PIGB: variants seen among roughly 807,000 people sequenced by gnomAD.
The protein encoded by PIGB is GPI alpha-1,2-mannosyltransferase 3.
Under a neutral mutation model 68.4 loss-of-function variants are expected in PIGB, and 58 were observed. The observed-to-expected ratio is 0.85, with a 90% CI of 0.69 to 1.06. The LOEUF (loss-of-function observed/expected upper bound fraction) is 1.06, where lower values mean the gene tolerates loss of function less well. Ranked by LOEUF, PIGB falls within the 50% of genes least tolerant of loss-of-function variation. PIGB has a pLI of 0.00. For synonymous variants in PIGB, 219 were observed against 220.5 expected (o/e 0.99, Z 0.06); for missense variants, 634 against 655.8 (o/e 0.97, Z 0.36).
At chr15:55,350,318 A>C (rs1345830664) in intron 9 of PIGB, 1 of 184,358 alleles carries the variant, frequency 5.4e-6, no homozygotes, top group Non-Finnish European at 1.1e-5. Context: ...TGGAATAATT[A>C]AAAGTCCTAT....
intron 7 of PIGB, among the ~76,000 whole-genome samples, chr15:55,339,536 A>G (rs917387346): frequency 1.2e-4 from 19 of 152,254 alleles, no homozygotes; most frequent in African/African-American, 4.6e-4. Context: ...GCAGGGAATT[A>G]TTAAGTGAGC....
At chr15:55,327,494 AT>A in intron 3 of PIGB, 36 bp from the exon 4 acceptor site, 1 of 1,359,124 alleles carries the variant, frequency 7.4e-7, no homozygotes, top group South Asian at 1.2e-5. Context: ...ACCAACAGAT[AT>A]TTTTAACATC....
In PIGB at chr15:55,349,580, A is replaced by G. The variant is rs138556270; in HGVS notation, c.1124-1119A>G. 1.6e-4 allele frequency: 24 copies of G among 152,294 alleles called. No individual in the cohort carries two copies. In the East Asian group the frequency reaches 4.0e-3, roughly 26 times the overall value. The allele number at this position is 152,294 out of a possible 1,614,324, so 9.4% of individuals were successfully genotyped here. A position where few individuals can be genotyped will look rare whatever the true frequency, so the allele number is the denominator to read the frequency against. On this transcript the variant is annotated intron_variant, in intron 9 of 11. Transcript: ENST00000164305. ...TACATTTTTCACCACACCACTTTTC[A>G]GATTATTCTTTAATCAGAACTATTT...
chr15:55,322,628 G>T (rs1350478397), intron 3 of PIGB, among the ~76,000 whole-genome samples: 1 of 152,134 alleles, frequency 6.6e-6, no homozygotes, highest in Non-Finnish European at 1.5e-5. Flanking sequence ...AAAGACACAG[G>T]TTCTAGGGTA....
chr15:55,324,012 C>T (rs546695623), intron 3 of PIGB, among the ~76,000 whole-genome samples: 8 of 152,208 alleles, frequency 5.3e-5, no homozygotes, highest in Admixed American at 1.3e-4. Context: ...CTCAGCCTCC[C>T]GAGTAGCTGG....
intron 3 of PIGB, among the ~76,000 whole-genome samples, chr15:55,327,157 T>C (rs980921447): frequency 1.3e-5 from 2 of 148,776 alleles, no homozygotes; most frequent in African/African-American, 4.9e-5. Context: ...TGTGTGTGTA[T>C]ATATGTCATA....
At chr15:55,345,872 T>C (rs930550249) in intron 9 of PIGB, among the ~76,000 whole-genome samples, 3 of 152,222 alleles carry the variant, frequency 2.0e-5, no homozygotes, top group Admixed American at 6.5e-5. Flanking sequence ...CATTCCAGAA[T>C]TGAACCACCT....
chr15:55,328,430 A>C (rs2055339910), intron 4 of PIGB, among the ~76,000 whole-genome samples: 1 of 152,216 alleles, frequency 6.6e-6, no homozygotes, highest in Admixed American at 6.5e-5. Flanking sequence ...AATTCCAAGT[A>C]ACCAATTTAG....
At chr15:55,321,117 T>C (rs1398570417) in intron 2 of PIGB, among the ~76,000 whole-genome samples, 156 bp from the exon 3 acceptor site, 1 of 152,112 alleles carries the variant, frequency 6.6e-6, no homozygotes, top group East Asian at 1.9e-4. Flanking sequence ...AAAATAGATT[T>C]TGCCAGGTGA....
In PIGB at chr15:55,319,395, A is replaced by G. The variant is rs1176657411; in HGVS notation, c.145A>G (p.Ser49Gly). The change falls in exon 1 of 12, where the codon AGC (serine) becomes GGC (glycine). Residue 49 changes from serine (S) to glycine (G), a missense_variant. Physicochemically the swap from Ser to Gly is moderately conservative, Grantham distance 56. Transcript: ENST00000164305. ...STLYFNTQEKSARRRGDLLGE... is the reference protein window; with the variant it reads ...STLYFNTQEKGARRRGDLLGE... Reference sequence around the variant, plus strand: ...CTTGTACTTCAACACCCAGGAGAAGAGCGCCAGGCGCCGCGGGGGTGAGTG... The same window carrying G: ...CTTGTACTTCAACACCCAGGAGAAGGGCGCCAGGCGCCGCGGGGGTGAGTG... The G allele has an allele frequency of 6.4e-7, 1 of 1,552,312 alleles. No homozygotes were observed. Among genetic ancestry groups the G allele is most frequent in the Non-Finnish European group, 8.7e-7 (1 of 1,147,246 alleles).
chr15:55,321,560 C>T (rs1277937034), intron 3 of PIGB, among the ~76,000 whole-genome samples, 170 bp downstream of exon 3: 1 of 151,372 alleles, frequency 6.6e-6, no homozygotes, highest in Admixed American at 6.6e-5. Flanking sequence ...ATGAAAATAT[C>T]CTGCTATGAG....
intron 7 of PIGB, 76 bp from the exon 8 acceptor site, chr15:55,340,536 G>C (rs1418133634): frequency 6.1e-6 from 5 of 823,752 alleles, no homozygotes; most frequent in Non-Finnish European, 9.5e-6. Flanking sequence ...TGTCAAAATT[G>C]TATCAATCCC....
chr15:55,326,247 CTTATT>C (rs928700849), intron 3 of PIGB, among the ~76,000 whole-genome samples: 26 of 151,122 alleles, frequency 1.7e-4, no homozygotes, highest in Admixed American at 3.3e-4. Flanking sequence ...TTCTTATTAT[CTTATT>C]TTATATCTTA....
chr15:55,330,424 A>G (rs1464413100), intron 5 of PIGB, among the ~76,000 whole-genome samples: 1 of 152,218 alleles, frequency 6.6e-6, no homozygotes, highest in African/African-American at 2.4e-5. Context: ...CAAATAGGAA[A>G]TACTTGGACT....
At chr15:55,330,198 T>C (rs1384932455) in intron 5 of PIGB, among the ~76,000 whole-genome samples, 1 of 152,126 alleles carries the variant, frequency 6.6e-6, no homozygotes, top group Non-Finnish European at 1.5e-5. Flanking sequence ...AAAGCTGTAA[T>C]TGTAAGAGAG....
At chr15:55,340,382 C>A (rs184646082) in intron 7 of PIGB, 3 of 229,802 alleles carry the variant, frequency 1.3e-5, no homozygotes, top group Admixed American at 1.1e-4. Flanking sequence ...CGTGAACCCG[C>A]GAGGCGGAGC....
At chr15:55,322,806 G>A (rs181132368) in intron 3 of PIGB, among the ~76,000 whole-genome samples, 6 of 152,296 alleles carry the variant, frequency 3.9e-5, no homozygotes, top group Admixed American at 3.9e-4. Flanking sequence ...GAATTTAGGA[G>A]CCGCAACCTG....
chr15:55,333,827 T>G (rs1374846600), intron 5 of PIGB, 40 bp from the exon 6 acceptor site: 1 of 1,456,444 alleles, frequency 6.9e-7, no homozygotes, highest in Non-Finnish European at 9.2e-7. Context: ...AACTTCAAGT[T>G]AATTTCCCAC....
intron 3 of PIGB, among the ~76,000 whole-genome samples, chr15:55,323,507 A>G (rs904330821): frequency 6.6e-6 from 1 of 152,232 alleles, no homozygotes; most frequent in Non-Finnish European, 1.5e-5. Context: ...ACTGTCCACC[A>G]TGGTAGCCAC....
Sources: gnomAD v4.1 joint callset for allele counts (sites outside exome capture counted in the v4.1 genomes callset) on GRCh38, gnomAD v4.1.1 for gene constraint, MANE v1.5 for transcripts, NCBI Gene and HGNC (gene_info 2026-07-23, HGNC 2026-07-21) for gene names.